AQP4: variants seen among roughly 807,000 people sequenced by gnomAD.
The protein encoded by AQP4 is aquaporin 4, also known as aquaporin-4.
AQP4 carries 18 observed loss-of-function variants against 27.8 expected under a neutral mutation model. That is an observed-to-expected ratio of 0.65 (90% confidence interval 0.45 to 0.96). The LOEUF (loss-of-function observed/expected upper bound fraction) is 0.96, where lower values mean the gene tolerates loss of function less well. Among genes scored for constraint, AQP4 ranks in the 40% least tolerant of loss-of-function variants. AQP4 has a pLI of 0.00. For missense variants in AQP4, 412 were observed against 408.2 expected (o/e 1.01, Z -0.08); for synonymous variants, 141 against 142.9 (o/e 0.99, Z 0.10).
At chr18:26,861,978 A>C (rs2054953750) in intron 2 of AQP4, 1 of 647,988 alleles carries the variant, frequency 1.5e-6, no homozygotes, top group Admixed American at 2.9e-5. Context: ...TGTTATTTTT[A>C]AGGCACTCAA....
chr18:26,852,930 G>A lies in AQP4; in HGVS notation c.*3281C>T. On this transcript the variant is annotated 3_prime_UTR_variant, in exon 5 of 5. Transcript: ENST00000383168. ...AACGTGAGGTTGGTGTCAACATGCTGCAATCAGAGGCCTTCTAGGATTCAT... is the reference window on the plus strand; with the variant it reads ...AACGTGAGGTTGGTGTCAACATGCTACAATCAGAGGCCTTCTAGGATTCAT... 2.5e-6 allele frequency: 1 copy of A among 398,440 alleles called. No individual in the cohort carries two copies. The highest frequency in any genetic ancestry group is 4.4e-6 in the Non-Finnish European group (1 of 225,938). 24.7% of individuals were successfully genotyped at this position (398,440 alleles called of 1,614,324 possible). A position where few individuals can be genotyped will look rare whatever the true frequency, so the allele number is the denominator to read the frequency against.
rs986640738 is a variant in AQP4, at chr18:26,857,652, GC to G, written c.694-1164del. On this transcript the variant is annotated intron_variant, in intron 4 of 4. Transcript: ENST00000383168. Reference sequence around the variant, plus strand: ...GAAATTATTATTACATATTAGCTATGCCCCTAGAATAAAGTTTTGAGTTTGA... The same window carrying G: ...GAAATTATTATTACATATTAGCTATGCCCTAGAATAAAGTTTTGAGTTTGA... Among the ~76,000 whole-genome samples the G allele has an allele frequency of 3.6e-3, 553 of 152,174 alleles. 5 individuals carry two copies. The highest frequency in any genetic ancestry group is 0.013 in the African/African-American group (528 of 41,534).
In AQP4 at chr18:26,854,217, T is replaced by G. The variant is rs964291619; in HGVS notation, c.*1994A>C. ...ATAAAAATGATTATAAGCCAGTATA[T>G]TGTAAGTGTATTCAAAAAATCTGCT... is the stretch of plus-strand genomic sequence containing the variant. On this transcript the variant is annotated 3_prime_UTR_variant, in exon 5 of 5. Transcript: ENST00000383168. The G allele has an allele frequency of 3.3e-5, 5 of 152,238 alleles. No individual in the cohort carries two copies. The highest frequency in any genetic ancestry group is 5.9e-5 in the Non-Finnish European group (4 of 68,034). 9.4% of individuals were successfully genotyped at this position (152,238 alleles called of 1,614,324 possible). A position where few individuals can be genotyped will look rare whatever the true frequency, so the allele number is the denominator to read the frequency against.
chr18:26,858,502 G>A (rs905962888), intron 4 of AQP4, among the ~76,000 whole-genome samples: 1 of 152,136 alleles, frequency 6.6e-6, no homozygotes, highest in African/African-American at 2.4e-5. Context: ...AACATTTACG[G>A]GGAAACTGTT....
In AQP4 at chr18:26,865,640, AG is replaced by A; in HGVS notation, c.32+17del. ...TTTGGCCCTAAGCGTTGTTCCCTTA[AG>A]GCAAAGAAGGACTTACCCCCACCGC... On this transcript the variant is annotated intron_variant, in intron 1 of 4. Coordinates refer to ENST00000383168, the MANE Select transcript of AQP4 (RefSeq NM_001650.7). 6.2e-7 allele frequency: 1 copy of A among 1,614,144 alleles called. No individual in the cohort carries two copies. Among genetic ancestry groups the A allele is most frequent in the Non-Finnish European group, 8.5e-7 (1 of 1,179,986 alleles).
intron 4 of AQP4, among the ~76,000 whole-genome samples, chr18:26,858,676 A>T (rs768625354): frequency 1.5e-4 from 23 of 152,218 alleles, no homozygotes; most frequent in Non-Finnish European, 2.4e-4. Flanking sequence ...TCCACAGGCT[A>T]CAAATCCCAC....
At position 26,856,148 on chromosome 18, in the gene AQP4, G is replaced by A. The variant is rs573309089; in HGVS notation, c.*63C>T. On this transcript the variant is annotated 3_prime_UTR_variant, in exon 5 of 5. Transcript: ENST00000383168. ...TTTATAACAAATCTGTTTCCTTAAT[G>A]GGTGGAAGGAAATCTGAGGACAGTT... The A allele has an allele frequency of 6.3e-7, 1 of 1,575,470 alleles. No individual in the cohort carries two copies. The highest frequency in any genetic ancestry group is 2.2e-5 in the East Asian group (1 of 44,734).
At chr18:26,856,540 AT>A in intron 4 of AQP4, 51 bp from the exon 5 acceptor site, 1 of 1,591,296 alleles carries the variant, frequency 6.3e-7, no homozygotes, top group African/African-American at 1.3e-5. Flanking sequence ...AAGCTATTCC[AT>A]TGAGCAGCTC....
At chr18:26,858,139 G>A (rs1052478329) in intron 4 of AQP4, among the ~76,000 whole-genome samples, 1 of 152,038 alleles carries the variant, frequency 6.6e-6, no homozygotes, top group Non-Finnish European at 1.5e-5. Flanking sequence ...GGGCTTGGTG[G>A]TGTGCACCTG....
chr18:26,864,245 T>C (rs2055014934), intron 1 of AQP4, among the ~76,000 whole-genome samples: 1 of 152,208 alleles, frequency 6.6e-6, no homozygotes, highest in African/African-American at 2.4e-5. Flanking sequence ...GAACCTGCTT[T>C]CTGCGTGGGT....
intron 1 of AQP4, among the ~76,000 whole-genome samples, chr18:26,863,605 A>C (rs2055000595): frequency 6.6e-6 from 1 of 152,060 alleles, no homozygotes; most frequent in Non-Finnish European, 1.5e-5. Flanking sequence ...AATGCAGATA[A>C]ACCTGCCAAA....
intron 1 of AQP4, among the ~76,000 whole-genome samples, chr18:26,863,992 T>C (rs1598518990): frequency 1.2e-5 from 1 of 80,908 alleles, no homozygotes; most frequent in South Asian, 4.0e-4. Flanking sequence ...GGATTCCCCT[T>C]TTGGGGGGGG....
intron 4 of AQP4, 106 bp from the exon 5 acceptor site, chr18:26,856,595 G>A: frequency 1.5e-6 from 2 of 1,304,566 alleles, no homozygotes; most frequent in South Asian, 1.3e-5. Context: ...GTGTATTTGT[G>A]TCATGCATCA....
chr18:26,864,241 G>T (rs2055014872), intron 1 of AQP4, among the ~76,000 whole-genome samples: 1 of 152,188 alleles, frequency 6.6e-6, no homozygotes, highest in African/African-American at 2.4e-5. Context: ...CCGGGAACCT[G>T]CTTTCTGCGT....
chr18:26,856,589 A>G, intron 4 of AQP4, 100 bp from the exon 5 acceptor site: 1 of 1,351,716 alleles, frequency 7.4e-7, no homozygotes, highest in Non-Finnish European at 1.0e-6. Flanking sequence ...TTAAGAGTGT[A>G]TTTGTGTCAT....
In AQP4 at chr18:26,860,796, G is replaced by C; in HGVS notation, c.669C>G (p.Ile223Met). The C allele has an allele frequency of 2.5e-6, 4 of 1,614,092 alleles. No homozygotes were observed. Among genetic ancestry groups the C allele is most frequent in the Non-Finnish European group, 3.4e-6 (4 of 1,179,958 alleles). Residue 223 changes from isoleucine to methionine, a missense_variant, in exon 4 of 5, where the codon ATC becomes ATG. By Grantham distance (10) the Ile-to-Met change is conservative. Coordinates refer to ENST00000383168, the MANE Select transcript of AQP4 (RefSeq NM_001650.7). ...CCCAATGGTTTTCCCAATTTCCCAT[G>C]ATAACTGCAGGTCCAAAGGATCGGG... is the stretch of plus-strand genomic sequence containing the variant. ...NPARSFGPAV[I>M]MGNWENHWIY...
Position 26,861,413 on chromosome 18 carries a change from C to T in AQP4, c.448-118G>A, listed in dbSNP as rs1172599081. 1.5e-5 allele frequency: 15 copies of T among 977,160 alleles called. 1 individual carries two copies. The highest frequency in any genetic ancestry group is 8.3e-5 in the Admixed American group (4 of 48,348). 60.5% of individuals were successfully genotyped at this position (977,160 alleles called of 1,614,324 possible). A position where few individuals can be genotyped will look rare whatever the true frequency, so the allele number is the denominator to read the frequency against. ...GTAAAAAGTAAAGGTAAGTCTTCTA[C>T]CCCACCTTCAACTGAGAATTTCCTT... On this transcript the variant is annotated intron_variant, in intron 2 of 4. Transcript: ENST00000383168.
Position 26,854,086 on chromosome 18 carries a change from C to G in AQP4, c.*2125G>C, listed in dbSNP as rs1056276594. 5.9e-5 allele frequency: 9 copies of G among 152,104 alleles called. No individual in the cohort carries two copies. The highest frequency in any genetic ancestry group is 2.0e-4 in the Admixed American group (3 of 15,280). 9.4% of individuals were successfully genotyped at this position (152,104 alleles called of 1,614,324 possible). A position where few individuals can be genotyped will look rare whatever the true frequency, so the allele number is the denominator to read the frequency against. ...AGGCTCTCTGCTAGCTACTAGAAAA[C>G]AAATTACAAAAACACCATTCACTTT... is the stretch of plus-strand genomic sequence containing the variant. On this transcript the variant is annotated 3_prime_UTR_variant, in exon 5 of 5. Transcript: ENST00000383168.
chr18:26,855,683 C>T lies in AQP4; in HGVS notation c.*528G>A, dbSNP rs2054829030. ...AGGAAGTAACTGATGAGCAGTGACA[C>T]TTGCTAATGCTCTTTTGCCAAGGTA... On this transcript the variant is annotated 3_prime_UTR_variant, in exon 5 of 5. Transcript: ENST00000383168. 1 of 157,632 alleles carries T rather than the reference C, an allele frequency of 6.3e-6. No individual in the cohort carries two copies. The highest frequency in any genetic ancestry group is 2.4e-5 in the African/African-American group (1 of 41,472). 9.8% of individuals were successfully genotyped at this position (157,632 alleles called of 1,614,324 possible).
Sources: gnomAD v4.1 joint callset for allele counts (sites outside exome capture counted in the v4.1 genomes callset) on GRCh38, gnomAD v4.1.1 for gene constraint, MANE v1.5 for transcripts, NCBI Gene and HGNC (gene_info 2026-07-23, HGNC 2026-07-21) for gene names.